MYRIP: variants seen among roughly 807,000 people sequenced by gnomAD.
The protein encoded by MYRIP is rab effector MyRIP.
Under a neutral mutation model 98.0 loss-of-function variants are expected in MYRIP, and 49 were observed. The observed-to-expected ratio is 0.50, with a 90% CI of 0.40 to 0.63. The LOEUF (loss-of-function observed/expected upper bound fraction) is 0.63, where lower values mean the gene tolerates loss of function less well. Ranked by LOEUF, MYRIP falls within the 30% of genes least tolerant of loss-of-function variation. MYRIP has a pLI of 0.00. For missense variants in MYRIP, 1,004 were observed against 1,058.2 expected (o/e 0.95, Z 0.71); for synonymous variants, 404 against 409.5 (o/e 0.99, Z 0.16).
intron 10 of MYRIP, among the ~76,000 whole-genome samples, chr3:40,209,498 T>G (rs1951864528): frequency 6.6e-6 from 1 of 152,090 alleles, no homozygotes; most frequent in South Asian, 2.1e-4. Flanking sequence ...AAAGTTTTAG[T>G]GTGTCTCATT....
intron 3 of MYRIP, among the ~76,000 whole-genome samples, chr3:40,125,940 C>T (rs1167126170): frequency 6.6e-6 from 1 of 152,158 alleles, no homozygotes. Context: ...AGCGTGAGGG[C>T]TGTTCTCTTC....
intron 3 of MYRIP, among the ~76,000 whole-genome samples, chr3:40,135,687 C>G (rs147213096): frequency 0.011 from 1,734 of 152,318 alleles, 21 homozygotes; most frequent in Middle Eastern, 0.024. Context: ...CTGATCTCTC[C>G]GCAGAAACTC....
At chr3:40,078,264 C>G (rs576937519) in intron 3 of MYRIP, among the ~76,000 whole-genome samples, 40 of 152,344 alleles carry the variant, frequency 2.6e-4, no homozygotes, top group South Asian at 1.0e-3. Context: ...TCCAGCTGGC[C>G]CGAAAGCGCT....
At chr3:40,068,195 T>G (rs1252079032) in intron 3 of MYRIP, among the ~76,000 whole-genome samples, 1 of 152,248 alleles carries the variant, frequency 6.6e-6, no homozygotes, top group Non-Finnish European at 1.5e-5. Context: ...GTATATATTT[T>G]TGGCTCTTCT....
Position 40,185,143 on chromosome 3 carries a change from T to C in MYRIP, c.1027+2770T>C, listed in dbSNP as rs570085545. Among the ~76,000 whole-genome samples, 36 of 152,292 alleles carry C rather than the reference T, an allele frequency of 2.4e-4. No individual in the cohort carries two copies. The South Asian group carries it at 6.8e-3, about 29-fold the overall frequency. On this transcript the variant is annotated intron_variant, in intron 9 of 16. Transcript: ENST00000302541. ...GAAAGTGAATGCCCACTGGGCTATA[T>C]TTGGCAGTTGTGTTTATGCCTCAGG... is the stretch of plus-strand genomic sequence containing the variant.
At chr3:40,032,513 G>A (rs1947283738) in intron 2 of MYRIP, among the ~76,000 whole-genome samples, 1 of 152,092 alleles carries the variant, frequency 6.6e-6, no homozygotes, top group Admixed American at 6.6e-5. Context: ...TTGATTTGGG[G>A]TGGAGAGTTC....
At chr3:40,146,031 AT>A (rs1950002419) in intron 3 of MYRIP, among the ~76,000 whole-genome samples, 1 of 152,246 alleles carries the variant, frequency 6.6e-6, no homozygotes, top group Non-Finnish European at 1.5e-5. Context: ...CTTTGAGCCT[AT>A]GTTCTATTCA....
chr3:40,170,053 C>T lies in MYRIP; in HGVS notation c.833C>T (p.Ser278Leu), dbSNP rs747405501. 14 of 1,614,108 alleles carry T rather than the reference C, an allele frequency of 8.7e-6. No individual in the cohort carries two copies. The African/African-American group carries it at 9.3e-5, about 11-fold the overall frequency. ...CSTKVADEGT[S>L]ASPGGYRAPA... Reference sequence around the variant, plus strand: ...ACAAAGGTGGCAGATGAGGGGACCTCAGCATCCCCTGGAGGCTACCGTGCT... The same window carrying T: ...ACAAAGGTGGCAGATGAGGGGACCTTAGCATCCCCTGGAGGCTACCGTGCT... Residue 278 changes from serine to leucine, a missense_variant, in exon 8 of 17, where the codon TCA (serine) becomes TTA (leucine). Physicochemically the swap from Ser to Leu is moderately radical, Grantham distance 145. This residue lies in a region of MYRIP where 880 missense variants were observed against 907.7 expected (regional missense o/e 0.97). Transcript: ENST00000302541.
chr3:39,853,453 G>T (rs959207046), intron 1 of MYRIP, among the ~76,000 whole-genome samples: 1 of 152,130 alleles, frequency 6.6e-6, no homozygotes, highest in South Asian at 2.1e-4. Context: ...GACCATTCTT[G>T]CAGGAGTAAG....
At chr3:40,091,648 G>A (rs1948739283) in intron 3 of MYRIP, among the ~76,000 whole-genome samples, 1 of 152,156 alleles carries the variant, frequency 6.6e-6, no homozygotes, top group Non-Finnish European at 1.5e-5. Context: ...GCTGACTTGT[G>A]TTGTATCTGA....
intron 3 of MYRIP, among the ~76,000 whole-genome samples, chr3:40,117,021 A>T (rs1949295542): frequency 6.6e-6 from 1 of 152,112 alleles, no homozygotes; most frequent in African/African-American, 2.4e-5. Context: ...TCACAGTCTC[A>T]CATGAGTGGC....
chr3:40,087,221 G>A (rs1468757420), intron 3 of MYRIP, among the ~76,000 whole-genome samples: 2 of 152,016 alleles, frequency 1.3e-5, no homozygotes, highest in Non-Finnish European at 2.9e-5. Context: ...ATCTGCCCTT[G>A]GACAAAGCTC....
chr3:39,922,917 C>G (rs1944336243), intron 2 of MYRIP, among the ~76,000 whole-genome samples: 1 of 151,850 alleles, frequency 6.6e-6, no homozygotes, highest in Non-Finnish European at 1.5e-5. Context: ...TTTAAAGCAG[C>G]CATGATTAAA....
chr3:40,210,425 A>G (rs2679799), intron 11 of MYRIP, among the ~76,000 whole-genome samples: 69,337 of 151,946 alleles, frequency 0.46, 16,751 homozygotes, highest in Non-Finnish European at 0.55. Context: ...CCTCTCCCTG[A>G]GCAGATACAT....
In MYRIP at chr3:40,258,455, C is replaced by A. The variant is rs947164364; in HGVS notation, c.*289C>A. 3.1e-5 allele frequency: 12 copies of A among 391,296 alleles called. No homozygotes were observed. Among genetic ancestry groups the A allele is most frequent in the Non-Finnish European group, 3.7e-5 (8 of 215,090 alleles). The allele number at this position is 391,296 out of a possible 1,614,324, so 24.2% of individuals were successfully genotyped here. Reference sequence around the variant, plus strand: ...GCTCCATGTTTAAGATACATATTTTCCCTGTTTGCTTTGCTACTGTATGTT... The same window carrying A: ...GCTCCATGTTTAAGATACATATTTTACCTGTTTGCTTTGCTACTGTATGTT... On this transcript the variant is annotated 3_prime_UTR_variant, in exon 17 of 17. Transcript: ENST00000302541.
At chr3:39,872,635 A>G (rs1472410352) in intron 1 of MYRIP, among the ~76,000 whole-genome samples, 1 of 151,638 alleles carries the variant, frequency 6.6e-6, no homozygotes, top group African/African-American at 2.4e-5. Flanking sequence ...ATGATTTCCA[A>G]TTTCATCCAT....
chr3:40,073,099 A>G (rs748730586), intron 3 of MYRIP, among the ~76,000 whole-genome samples: 1 of 152,208 alleles, frequency 6.6e-6, no homozygotes, highest in Non-Finnish European at 1.5e-5. Context: ...GAAAATTCTG[A>G]CTGGTTACAA....
At chr3:39,889,600 A>T (rs1056063341) in intron 1 of MYRIP, among the ~76,000 whole-genome samples, 3 of 152,202 alleles carry the variant, frequency 2.0e-5, no homozygotes, top group African/African-American at 7.2e-5. Context: ...TAGTGGGTGC[A>T]GTGCACCAGC....
intron 2 of MYRIP, among the ~76,000 whole-genome samples, chr3:39,990,517 G>T (rs1946148348): frequency 6.6e-6 from 1 of 152,174 alleles, no homozygotes; most frequent in Non-Finnish European, 1.5e-5. Context: ...TTTGAGGCTT[G>T]AGTGAAATAA....
Sources: allele counts gnomAD v4.1 joint callset (sites outside exome capture counted in the v4.1 genomes callset), GRCh38; gene constraint gnomAD v4.1.1; regional missense constraint gnomAD v4.1.1; transcripts MANE v1.5; gene names NCBI Gene and HGNC (gene_info 2026-07-23, HGNC 2026-07-21).